Variants in EYA4 observed in about 807,000 individuals in gnomAD.
EYA4 encodes protein phosphatase EYA4.
Under a neutral mutation model 87.9 loss-of-function variants are expected in EYA4, and 31 were observed. The ratio of observed to expected loss-of-function variants is 0.35; its 90% CI spans 0.27 to 0.48. The LOEUF is 0.48. Among genes scored for constraint, EYA4 ranks in the 20% least tolerant of loss-of-function variants. EYA4 has a pLI of 0.99. For missense variants in EYA4, 678 were observed against 761.4 expected (o/e 0.89, Z 1.29); for synonymous variants, 263 against 270.6 (o/e 0.97, Z 0.28).
chr6:133,363,762 A>G (rs1328500430), intron 2 of EYA4, among the ~76,000 whole-genome samples: 1 of 151,914 alleles, frequency 6.6e-6, no homozygotes, highest in Non-Finnish European at 1.5e-5. Flanking sequence ...GGCGTGACCC[A>G]CCGCGCCCGG....
At chr6:133,380,884 T>G (rs566649534) in intron 2 of EYA4, among the ~76,000 whole-genome samples, 52 of 147,366 alleles carry the variant, frequency 3.5e-4, no homozygotes, top group African/African-American at 1.2e-3. Flanking sequence ...CCTCTTCTTC[T>G]TCTTCCCTCC....
chr6:133,334,984 A>G (rs768723078), intron 2 of EYA4, among the ~76,000 whole-genome samples: 9 of 152,228 alleles, frequency 5.9e-5, no homozygotes, highest in Admixed American at 1.3e-4. Flanking sequence ...GAAGTCATCA[A>G]AGTGCTAATT....
chr6:133,393,981 A>C (rs1342737503), intron 3 of EYA4, among the ~76,000 whole-genome samples: 1 of 152,214 alleles, frequency 6.6e-6, no homozygotes, highest in South Asian at 2.1e-4. Flanking sequence ...GTAAAGGTAC[A>C]GAGATTCTGC....
chr6:133,418,702 A>G (rs372048809), intron 3 of EYA4, among the ~76,000 whole-genome samples: 2 of 152,326 alleles, frequency 1.3e-5, no homozygotes, highest in East Asian at 3.9e-4. Flanking sequence ...TATTTTAGAC[A>G]GATTAGCTGG....
intron 2 of EYA4, among the ~76,000 whole-genome samples, chr6:133,341,556 A>G (rs62428726): frequency 0.12 from 17,913 of 152,280 alleles, 1,315 homozygotes; most frequent in Non-Finnish European, 0.17. Flanking sequence ...TGGACTTCCA[A>G]ATAAGAATAG....
chr6:133,374,631 A>G (rs1785534092), intron 2 of EYA4, among the ~76,000 whole-genome samples: 1 of 152,054 alleles, frequency 6.6e-6, no homozygotes, highest in Non-Finnish European at 1.5e-5. Flanking sequence ...GGTATGCAGT[A>G]GAGTCCTCTC....
rs531602978 is a variant in EYA4, at chr6:133,531,037, G to A, written c.*2232G>A. 2.2e-5 allele frequency: 30 copies of A among 1,383,908 alleles called. No homozygotes were observed. In the South Asian group the frequency reaches 3.7e-4, roughly 17 times the overall value. The allele number at this position is 1,383,908 out of a possible 1,614,324, so 85.7% of individuals were successfully genotyped here. A position where few individuals can be genotyped will look rare whatever the true frequency, so the allele number is the denominator to read the frequency against. On this transcript the variant is annotated 3_prime_UTR_variant, in exon 20 of 20. Transcript: ENST00000355286. ...TTCTTTAAATGTTGATAGAATTGTGGCATTACATCTAAATTTGTAAGTCTT... is the reference window on the plus strand; with the variant it reads ...TTCTTTAAATGTTGATAGAATTGTGACATTACATCTAAATTTGTAAGTCTT...
At chr6:133,376,562 T>A (rs1373238330) in intron 2 of EYA4, among the ~76,000 whole-genome samples, 1 of 151,966 alleles carries the variant, frequency 6.6e-6, no homozygotes, top group Non-Finnish European at 1.5e-5. Flanking sequence ...TTGGGATAAT[T>A]GAGCCCAGCT....
intron 1 of EYA4, chr6:133,246,724 A>G (rs551831004): frequency 6.6e-6 from 1 of 152,302 alleles, no homozygotes; most frequent in East Asian, 1.9e-4. Flanking sequence ...ATTAATCACT[A>G]TCACCATCAT....
At chr6:133,273,021 T>A (rs117903977) in intron 1 of EYA4, among the ~76,000 whole-genome samples, 2 of 150,724 alleles carry the variant, frequency 1.3e-5, no homozygotes, top group Non-Finnish European at 2.9e-5. Context: ...TGATGCTCAT[T>A]AGACACCCCA....
chr6:133,483,647 C>G (rs1019743964), intron 13 of EYA4, among the ~76,000 whole-genome samples: 1 of 150,738 alleles, frequency 6.6e-6, no homozygotes, highest in South Asian at 2.1e-4. Context: ...CCTCACCTGC[C>G]TTTCTCTCTT....
intron 14 of EYA4, chr6:133,510,472 TG>T: frequency 8.6e-6 from 3 of 350,782 alleles, no homozygotes; most frequent in African/African-American, 2.1e-5. Context: ...CTCCATATTC[TG>T]GGAGAAAAAC....
chr6:133,320,156 CT>C (rs1780970590), intron 2 of EYA4, among the ~76,000 whole-genome samples: 1 of 143,936 alleles, frequency 6.9e-6, no homozygotes, highest in Non-Finnish European at 1.5e-5. Context: ...TTTTTTGCTC[CT>C]TTTTTTCCCA....
At chr6:133,437,729 G>A (rs1339159390) in intron 3 of EYA4, among the ~76,000 whole-genome samples, 1 of 152,122 alleles carries the variant, frequency 6.6e-6, no homozygotes. Context: ...TTCTTCCCAA[G>A]GTAGCAGGGA....
chr6:133,335,852 G>A (rs1782327865), intron 2 of EYA4, among the ~76,000 whole-genome samples: 1 of 152,134 alleles, frequency 6.6e-6, no homozygotes, highest in Non-Finnish European at 1.5e-5. Context: ...TTTGTCCCTA[G>A]AGCAATAGGA....
chr6:133,286,770 GTTTTCATT>G (rs1172804697), intron 2 of EYA4, among the ~76,000 whole-genome samples: 3 of 152,258 alleles, frequency 2.0e-5, no homozygotes, highest in African/African-American at 7.2e-5. Context: ...TCAACAAATA[GTTTTCATT>G]TTTTCATTGC....
At chr6:133,500,098 T>C (rs1240932819) in intron 13 of EYA4, among the ~76,000 whole-genome samples, 2 of 151,280 alleles carry the variant, frequency 1.3e-5, no homozygotes, top group African/African-American at 4.9e-5. Flanking sequence ...ATGATGCCAA[T>C]GGTGCTGGTC....
At chr6:133,384,807 C>T (rs927555345) in intron 3 of EYA4, among the ~76,000 whole-genome samples, 1 of 152,038 alleles carries the variant, frequency 6.6e-6, no homozygotes, top group Non-Finnish European at 1.5e-5. Context: ...TAAAAATATA[C>T]CGAAGAGCAC....
At chr6:133,367,601 G>A (rs1382228385) in intron 2 of EYA4, among the ~76,000 whole-genome samples, 2 of 152,142 alleles carry the variant, frequency 1.3e-5, no homozygotes, top group African/African-American at 2.4e-5. Context: ...TTATCAGAAT[G>A]TGTGGCTGAC....
Sources: allele counts gnomAD v4.1 joint callset (sites outside exome capture counted in the v4.1 genomes callset), GRCh38; gene constraint gnomAD v4.1.1; transcripts MANE v1.5; gene names NCBI Gene and HGNC (gene_info 2026-07-23, HGNC 2026-07-21).